The following ENTPD7 variants were observed in gnomAD, a reference collection of about 807,000 sequenced individuals.
The protein encoded by ENTPD7 is ectonucleoside triphosphate diphosphohydrolase 7, also known as NTPDase 7.
A neutral mutation model predicts 77.9 loss-of-function variants in ENTPD7; 53 were observed. That is an observed-to-expected ratio of 0.68 (90% CI 0.55 to 0.85). ENTPD7 has a LOEUF of 0.85. Among genes scored for constraint, ENTPD7 ranks in the 40% least tolerant of loss-of-function variants. The pLI is 0.00. For missense variants in ENTPD7, 636 were observed against 743.7 expected (o/e 0.86, Z 1.68); for synonymous variants, 248 against 274.9 (o/e 0.90, Z 0.97).
intron 6 of ENTPD7, among the ~76,000 whole-genome samples, chr10:99,687,374 T>G (rs776103504): frequency 7.1e-5 from 10 of 141,436 alleles, no homozygotes; most frequent in South Asian, 4.9e-4. Flanking sequence ...CAAGCGACTC[T>G]CCTGCCTCAG....
chr10:99,690,612 G>A (rs567014457), intron 7 of ENTPD7, among the ~76,000 whole-genome samples: 20 of 149,398 alleles, frequency 1.3e-4, no homozygotes, highest in Middle Eastern at 3.4e-3. Flanking sequence ...GTGCAATCTC[G>A]GCTCACTACA....
At position 99,702,580 on chromosome 10, in the gene ENTPD7, A is replaced by G; in HGVS notation, c.1490A>G (p.Tyr497Cys). The G allele has an allele frequency of 6.2e-7, 1 of 1,613,334 alleles. No homozygotes were observed. The highest frequency in any genetic ancestry group is 8.5e-7 in the Non-Finnish European group (1 of 1,179,704). ...GAAGGATTCCACTTTCCCTATGACTACCCAAACCTGCGGACAGCCCAGCTG... is the reference window on the plus strand; with the variant it reads ...GAAGGATTCCACTTTCCCTATGACTGCCCAAACCTGCGGACAGCCCAGCTG... ...LHEGFHFPYD[Y>C]PNLRTAQLVY... The change falls in exon 12 of 13, where the codon TAC becomes TGC. Residue 497 changes from tyrosine (Y) to cysteine (C), a missense_variant. Around this residue, in one of 3 missense-constraint regions of ENTPD7, gnomAD observed 138 missense variants for 150.9 expected, o/e 0.91. Coordinates refer to ENST00000370489, the MANE Select transcript of ENTPD7 (RefSeq NM_020354.5).
chr10:99,688,938 A>G (rs1415057987), intron 7 of ENTPD7, among the ~76,000 whole-genome samples, 188 bp downstream of exon 7: 2 of 152,150 alleles, frequency 1.3e-5, no homozygotes, highest in Non-Finnish European at 2.9e-5. Context: ...AGTTTCAAAC[A>G]TTCACAAAAG....
In ENTPD7 at chr10:99,709,675, CATCT is replaced by C. The variant is rs2036324253; in HGVS notation, c.*4994_*4997del. The C allele has an allele frequency of 1.0e-6, 1 of 985,286 alleles. No individual in the cohort carries two copies. Among genetic ancestry groups the C allele is most frequent in the Non-Finnish European group, 1.2e-6 (1 of 829,934 alleles). 61.0% of individuals were successfully genotyped at this position (985,286 alleles called of 1,614,324 possible). On this transcript the variant is annotated 3_prime_UTR_variant, in exon 13 of 13. Transcript: ENST00000370489. ...GCTGTGGCACCCTGTTTGGGTGTCC[CATCT>C]ACCCTGTTTTCTGTTTCTGCAGATG...
In ENTPD7 at chr10:99,698,841, T is replaced by A; in HGVS notation, c.1318T>A (p.Phe440Ile). The change falls in exon 10 of 13, where the codon TTT (phenylalanine) becomes ATT (isoleucine). Residue 440 changes from phenylalanine (F) to isoleucine (I), a missense_variant. Physicochemically the swap from Phe to Ile is conservative, Grantham distance 21 (BLOSUM62 0). Transcript: ENST00000370489. ...TGGTGGCCGCTACCATGGGCCAACA[T>A]TTGCCAAGGCTGCTCAGGTAAATTA... ...RIGGRYHGPT[F>I]AKAAQDYCGM... 5.6e-6 allele frequency: 9 copies of A among 1,604,040 alleles called. No homozygotes were observed. Among genetic ancestry groups the A allele is most frequent in the Non-Finnish European group, 7.7e-6 (9 of 1,173,926 alleles).
chr10:99,660,831 A>C (rs1406812144), intron 2 of ENTPD7, among the ~76,000 whole-genome samples: 2 of 152,056 alleles, frequency 1.3e-5, no homozygotes, highest in Non-Finnish European at 2.9e-5. Flanking sequence ...CTGAGGGAGA[A>C]GAATCGCTTG....
At chr10:99,678,988 A>T (rs539617726) in intron 3 of ENTPD7, among the ~76,000 whole-genome samples, 110 of 151,528 alleles carry the variant, frequency 7.3e-4, no homozygotes, top group African/African-American at 2.6e-3. Flanking sequence ...TTGAAAAAAG[A>T]TTGCTACCTT....
chr10:99,669,509 A>G (rs1026479622), intron 3 of ENTPD7, among the ~76,000 whole-genome samples: 3 of 152,080 alleles, frequency 2.0e-5, no homozygotes, highest in African/African-American at 7.2e-5. Flanking sequence ...GAGAGTAGGA[A>G]GTTTGCATCA....
At chr10:99,692,372 G>T (rs2035896230) in intron 8 of ENTPD7, among the ~76,000 whole-genome samples, 1 of 152,186 alleles carries the variant, frequency 6.6e-6, no homozygotes, top group Admixed American at 6.5e-5. Context: ...AGATGTGTGG[G>T]GCAGGGTGGA....
intron 3 of ENTPD7, among the ~76,000 whole-genome samples, chr10:99,667,355 T>A (rs1186435806): frequency 6.6e-6 from 1 of 152,330 alleles, no homozygotes; most frequent in South Asian, 2.1e-4. Context: ...CAAAGATGAC[T>A]AAACATAGCC....
At chr10:99,681,095 T>C (rs1435464642) in intron 5 of ENTPD7, among the ~76,000 whole-genome samples, 2 of 152,168 alleles carry the variant, frequency 1.3e-5, no homozygotes, top group African/African-American at 2.4e-5. Flanking sequence ...GTATGTACCA[T>C]GTTTTCTTTA....
chr10:99,671,124 G>A lies in ENTPD7; in HGVS notation c.192-8137G>A, dbSNP rs554041681. Among the ~76,000 whole-genome samples the A allele has an allele frequency of 1.0e-3, 153 of 152,186 alleles. 1 individual carries two copies. The highest frequency in any genetic ancestry group is 3.3e-3 in the African/African-American group (137 of 41,554). On this transcript the variant is annotated intron_variant, in intron 3 of 12. Transcript: ENST00000370489. ...AAGTTTCTCAGAGTGAGTGAGTGGT[G>A]AGTGTGAAGGCCTCGGACATTACTG...
At chr10:99,676,379 G>A (rs999929192) in intron 3 of ENTPD7, among the ~76,000 whole-genome samples, 1 of 152,196 alleles carries the variant, frequency 6.6e-6, no homozygotes, top group Admixed American at 6.5e-5. Flanking sequence ...TTATAAAGGA[G>A]TCCTAAGGCC....
rs74152719 is a variant in ENTPD7 at position 99,699,280 on chromosome 10, T to A, written c.1335+422T>A. On this transcript the variant is annotated intron_variant, in intron 10 of 12. Transcript: ENST00000370489. ...CAGAGGGGCAAGCCCATCTTTCTTT[T>A]GGGTTGAGGTATTAAGAGGCAGAGT... Among the ~76,000 whole-genome samples, 205 of 152,340 alleles carry A rather than the reference T, an allele frequency of 1.3e-3. 1 individual carries two copies. The highest frequency in any genetic ancestry group is 4.8e-3 in the African/African-American group (201 of 41,588).
At chr10:99,698,397 T>C (rs2036031511) in intron 9 of ENTPD7, 137 bp from the exon 10 acceptor site, 3 of 785,178 alleles carry the variant, frequency 3.8e-6, no homozygotes, top group East Asian at 2.7e-5. Flanking sequence ...TGTGATGAAA[T>C]TGCACTCCAT....
Position 99,710,182 on chromosome 10 carries a change from C to T in ENTPD7, c.*5499C>T. The T allele has an allele frequency of 1.0e-6, 1 of 985,414 alleles. No individual in the cohort carries two copies. Among genetic ancestry groups the T allele is most frequent in the Non-Finnish European group, 1.2e-6 (1 of 829,922 alleles). The allele number at this position is 985,414 out of a possible 1,614,324, so 61.0% of individuals were successfully genotyped here. On this transcript the variant is annotated 3_prime_UTR_variant, in exon 13 of 13. Transcript: ENST00000370489. The stretch of plus-strand genomic sequence containing the variant: ...GCAGCCCTGGTACTTTCCTAAGTGG[C>T]CCCTCCTACAGAGCACTTGCCGGCA...
chr10:99,679,301 G>A lies in ENTPD7; in HGVS notation c.232G>A (p.Glu78Lys), dbSNP rs1234061955. ...AGGGGAGCTTGAAGCTACTGACACT[G>A]AAGACCCAAATCTGAATTATGGACT... The part of the protein sequence containing the change: ...RVGELEATDT[E>K]DPNLNYGLVV... The change falls in exon 4 of 13, where the codon GAA becomes AAA. Residue 78 changes from glutamate to lysine, a missense_variant. Glu to Lys is a moderately conservative substitution (Grantham distance 56). This residue lies in a region of ENTPD7 where 486 missense variants were observed against 556.5 expected (regional missense o/e 0.87). Coordinates refer to ENST00000370489, the MANE Select transcript of ENTPD7 (RefSeq NM_020354.5). 6.2e-7 allele frequency: 1 copy of A among 1,614,154 alleles called. No individual in the cohort carries two copies.
In ENTPD7 at chr10:99,710,121, A is replaced by G. The variant is rs1590073344; in HGVS notation, c.*5438A>G. ...TCTTTTAAAGGGCAACCACTTGTAT[A>G]CCCTCTGGTGGCCACTCCTCCTTCT... is the stretch of plus-strand genomic sequence containing the variant. On this transcript the variant is annotated 3_prime_UTR_variant, in exon 13 of 13. Coordinates refer to ENST00000370489, the MANE Select transcript of ENTPD7 (RefSeq NM_020354.5). 3.0e-6 allele frequency: 3 copies of G among 985,326 alleles called. No homozygotes were observed. The highest frequency in any genetic ancestry group is 3.6e-6 in the Non-Finnish European group (3 of 829,920). The allele number at this position is 985,326 out of a possible 1,614,324, so 61.0% of individuals were successfully genotyped here.
intron 6 of ENTPD7, 123 bp downstream of exon 6, chr10:99,686,018 A>C: frequency 8.3e-6 from 5 of 602,766 alleles, no homozygotes; most frequent in Non-Finnish European, 1.4e-5. Flanking sequence ...AATTTTCTTG[A>C]TTCTGCTACA....
Sources: allele counts gnomAD v4.1 joint callset (sites outside exome capture counted in the v4.1 genomes callset), GRCh38; gene constraint gnomAD v4.1.1; regional missense constraint gnomAD v4.1.1; transcripts MANE v1.5; gene names NCBI Gene and HGNC (gene_info 2026-07-23, HGNC 2026-07-21).